MYO3B: variants seen among roughly 807,000 people sequenced by gnomAD.
MYO3B encodes the protein myosin IIIB.
Under a neutral mutation model 174.6 loss-of-function variants are expected in MYO3B, and 156 were observed. The ratio of observed to expected loss-of-function variants is 0.89; its 90% CI spans 0.78 to 1.02. The LOEUF is 1.02. Ranked by LOEUF, MYO3B falls within the 50% of genes least tolerant of loss-of-function variation. The pLI is 0.00. For missense variants in MYO3B, 1,632 were observed against 1,639.4 expected (o/e 1.00, Z 0.08); for synonymous variants, 563 against 569.1 (o/e 0.99, Z 0.15).
intron 1 of MYO3B, among the ~76,000 whole-genome samples, chr2:170,187,988 T>C (rs72884053): frequency 0.092 from 13,950 of 152,272 alleles, 860 homozygotes; most frequent in Non-Finnish European, 0.13. Flanking sequence ...GTCCATTTGG[T>C]CTGTAATGCA....
intron 32 of MYO3B, among the ~76,000 whole-genome samples, chr2:170,557,144 T>TA (rs1553521201): frequency 4.5e-4 from 67 of 147,656 alleles, no homozygotes; most frequent in South Asian, 1.9e-3. Flanking sequence ...TTATTTTTAT[T>TA]TTTATTTTTT....
intron 7 of MYO3B, among the ~76,000 whole-genome samples, chr2:170,324,427 A>G (rs1006556548): frequency 6.6e-6 from 1 of 152,192 alleles, no homozygotes; most frequent in Non-Finnish European, 1.5e-5. Context: ...TGTCTTTTTA[A>G]GTAGGGGAAG....
chr2:170,571,776 T>C (rs1692454101), intron 32 of MYO3B, among the ~76,000 whole-genome samples: 1 of 151,814 alleles, frequency 6.6e-6, no homozygotes, highest in African/African-American at 2.4e-5. Context: ...TGGGGAGTAA[T>C]AGAGGGAGGA....
intron 32 of MYO3B, among the ~76,000 whole-genome samples, chr2:170,644,228 T>C (rs944452330): frequency 6.6e-6 from 1 of 152,182 alleles, no homozygotes; most frequent in Admixed American, 6.5e-5. Flanking sequence ...ATTTCATGGA[T>C]GTAATAAAGA....
intron 7 of MYO3B, among the ~76,000 whole-genome samples, chr2:170,236,345 A>T (rs1052860111): frequency 6.6e-6 from 1 of 152,228 alleles, no homozygotes; most frequent in Admixed American, 6.5e-5. Context: ...TAATAAGACC[A>T]TGTTGGAACA....
chr2:170,562,964 A>G (rs1461985737), intron 32 of MYO3B, among the ~76,000 whole-genome samples: 2 of 151,710 alleles, frequency 1.3e-5, no homozygotes, highest in Admixed American at 1.3e-4. Context: ...TTATAATTTT[A>G]GCTTCCCTAC....
intron 7 of MYO3B, among the ~76,000 whole-genome samples, chr2:170,264,275 G>T (rs549750940): frequency 6.6e-6 from 1 of 152,324 alleles, no homozygotes; most frequent in South Asian, 2.1e-4. Context: ...CCAGTGCTCT[G>T]TTACATGGCC....
intron 7 of MYO3B, among the ~76,000 whole-genome samples, chr2:170,303,046 G>A (rs2093676383): frequency 6.6e-6 from 1 of 152,014 alleles, no homozygotes; most frequent in Non-Finnish European, 1.5e-5. Flanking sequence ...ATAATGTTTA[G>A]GATTTTTTTT....
chr2:170,418,617 A>T (rs17497943), intron 22 of MYO3B, among the ~76,000 whole-genome samples: 10,442 of 152,240 alleles, frequency 0.069, 423 homozygotes, highest in Non-Finnish European at 0.094. Context: ...TTTCCTGGAA[A>T]TAAGGCCCAT....
At chr2:170,310,665 C>CAAAAAAAAA (rs746315736) in intron 7 of MYO3B, among the ~76,000 whole-genome samples, 13 of 61,446 alleles carry the variant, frequency 2.1e-4, no homozygotes, top group East Asian at 5.9e-4. Context: ...GACTCCATCT[C>CAAAAAAAAA]AAAAAAAAAA....
intron 7 of MYO3B, among the ~76,000 whole-genome samples, chr2:170,321,507 G>T (rs1160003090): frequency 6.6e-6 from 1 of 152,152 alleles, no homozygotes; most frequent in African/African-American, 2.4e-5. Context: ...ACTTATCTTA[G>T]TTCCTTGCGA....
chr2:170,430,267 G>A (rs1042925947), intron 22 of MYO3B, among the ~76,000 whole-genome samples: 3 of 151,460 alleles, frequency 2.0e-5, no homozygotes, highest in Admixed American at 6.6e-5. Flanking sequence ...TAAACAAAAG[G>A]TCCCCTATTT....
intron 32 of MYO3B, among the ~76,000 whole-genome samples, chr2:170,623,782 T>C (rs1696148088): frequency 6.6e-6 from 1 of 152,236 alleles, no homozygotes; most frequent in Non-Finnish European, 1.5e-5. Context: ...AGTTTCATCT[T>C]TCTACATATG....
At chr2:170,592,743 A>G (rs1329873616) in intron 32 of MYO3B, among the ~76,000 whole-genome samples, 2 of 152,142 alleles carry the variant, frequency 1.3e-5, no homozygotes, top group Non-Finnish European at 2.9e-5. Context: ...GCCATGGTAG[A>G]TGCTCAATAA....
Position 170,386,229 on chromosome 2 carries a change from A to G in MYO3B, c.1331A>G (p.Glu444Gly), listed in dbSNP as rs1005812892. The G allele has an allele frequency of 7.4e-6, 12 of 1,613,566 alleles. No homozygotes were observed. In the African/African-American group the frequency reaches 1.6e-4, roughly 22 times the overall value. Reference protein sequence around the residue: ...ISGESGSGKTESAHLIVQHLT... With the variant: ...ISGESGSGKTGSAHLIVQHLT... ...GGAGAGAGTGGCTCTGGGAAGACAGAAAGCGCCCACCTGATTGTTCAGCAT... is the reference window on the plus strand; with the variant it reads ...GGAGAGAGTGGCTCTGGGAAGACAGGAAGCGCCCACCTGATTGTTCAGCAT... The change falls in exon 13 of 35, where the codon GAA (glutamate) becomes GGA (glycine). Residue 444 changes from glutamate to glycine, a missense_variant. Physicochemically the swap from Glu to Gly is moderately conservative, Grantham distance 98 (BLOSUM62 -2). Coordinates refer to ENST00000408978, the MANE Select transcript of MYO3B (RefSeq NM_138995.5).
chr2:170,572,473 A>T (rs201184537), intron 32 of MYO3B, among the ~76,000 whole-genome samples: 2 of 151,062 alleles, frequency 1.3e-5, no homozygotes, highest in African/African-American at 2.4e-5. Context: ...AAATTAGCTG[A>T]GTGTGGTGGT....
intron 17 of MYO3B, among the ~76,000 whole-genome samples, chr2:170,400,957 C>T (rs890593592): frequency 6.6e-6 from 1 of 151,778 alleles, no homozygotes; most frequent in Non-Finnish European, 1.5e-5. Context: ...CATCTACAAA[C>T]TGAAAAAGAT....
At chr2:170,506,123 T>C (rs1402856519) in intron 28 of MYO3B, among the ~76,000 whole-genome samples, 1 of 152,222 alleles carries the variant, frequency 6.6e-6, no homozygotes, top group Non-Finnish European at 1.5e-5. Flanking sequence ...TCCTTGAGCC[T>C]GTGAACAGGC....
chr2:170,217,247 A>G, intron 5 of MYO3B, 72 bp from the exon 6 acceptor site: 1 of 1,372,314 alleles, frequency 7.3e-7, no homozygotes, highest in Non-Finnish European at 1.0e-6. Context: ...GCCTTTGTGG[A>G]AAAAGTCTGC....
Sources: gnomAD v4.1 joint callset for allele counts (sites outside exome capture counted in the v4.1 genomes callset) on GRCh38, gnomAD v4.1.1 for gene constraint, MANE v1.5 for transcripts, NCBI Gene and HGNC (gene_info 2026-07-23, HGNC 2026-07-21) for gene names.